The following ZNF385D variants were observed in gnomAD, a reference collection of about 807,000 sequenced individuals.
ZNF385D encodes zinc finger protein 659.
In ZNF385D, 15 loss-of-function variants were observed where a neutral mutation model predicts 35.8. That is an observed-to-expected ratio of 0.42 (90% CI 0.28 to 0.64). The LOEUF (loss-of-function observed/expected upper bound fraction) is 0.64, where lower values mean the gene tolerates loss of function less well. Ranked by LOEUF, ZNF385D falls within the 30% of genes least tolerant of loss-of-function variation. ZNF385D has a pLI of 0.23. For missense variants in ZNF385D, 474 were observed against 494.6 expected (o/e 0.96, Z 0.39); for synonymous variants, 212 against 186.8 (o/e 1.13, Z -1.10).
At chr3:22,289,554 G>A (rs948038187) in intron 2 of ZNF385D, among the ~76,000 whole-genome samples, 19 of 152,270 alleles carry the variant, frequency 1.2e-4, no homozygotes, top group Admixed American at 5.9e-4. Context: ...GGGCATGCAA[G>A]CCTCTTGCAG....
At chr3:22,365,654 A>C (rs1696624601) in intron 2 of ZNF385D, among the ~76,000 whole-genome samples, 1 of 152,134 alleles carries the variant, frequency 6.6e-6, no homozygotes, top group Admixed American at 6.5e-5. Context: ...TCAAAGGTAC[A>C]AGAAAACAAG....
chr3:22,058,434 G>A (rs1210932344), intron 3 of ZNF385D, among the ~76,000 whole-genome samples: 1 of 152,124 alleles, frequency 6.6e-6, no homozygotes, highest in Non-Finnish European at 1.5e-5. Context: ...GCTCATTCCA[G>A]CTCTCCCCAT....
intron 2 of ZNF385D, among the ~76,000 whole-genome samples, chr3:21,581,589 G>A (rs1210576655): frequency 1.3e-5 from 2 of 152,128 alleles, no homozygotes; most frequent in Admixed American, 6.6e-5. Context: ...CTAGTCGATT[G>A]TCAATCATTT....
chr3:22,180,723 C>G (rs1695184186), intron 2 of ZNF385D, among the ~76,000 whole-genome samples: 1 of 151,984 alleles, frequency 6.6e-6, no homozygotes, highest in African/African-American at 2.4e-5. Flanking sequence ...AGGCCTTTGA[C>G]AAAATTCAAC....
chr3:22,186,662 G>GAA (rs1695655626), intron 2 of ZNF385D, among the ~76,000 whole-genome samples: 1 of 151,890 alleles, frequency 6.6e-6, no homozygotes, highest in Non-Finnish European at 1.5e-5. Flanking sequence ...TATATTTTTG[G>GAA]TCTCATGAGA....
chr3:21,496,264 T>A (rs1267179693), intron 4 of ZNF385D, among the ~76,000 whole-genome samples: 1 of 146,748 alleles, frequency 6.8e-6, no homozygotes. Context: ...ATATATATAA[T>A]TTATATATAT....
intron 3 of ZNF385D, among the ~76,000 whole-genome samples, chr3:22,120,434 G>A (rs765881062): frequency 3.9e-5 from 6 of 152,000 alleles, no homozygotes; most frequent in East Asian, 1.9e-4. Flanking sequence ...TTATGACCTC[G>A]TATAAGCTTA....
chr3:21,830,901 TTCACTGAAGGGTG>T (rs1470851736), intron 3 of ZNF385D, among the ~76,000 whole-genome samples: 1 of 152,190 alleles, frequency 6.6e-6, no homozygotes, highest in Non-Finnish European at 1.5e-5. Flanking sequence ...TTCACCCAAG[TTCACTGAAGGGTG>T]TCATACCATA....
At position 22,328,841 on chromosome 3, in the gene ZNF385D, C is replaced by T. The variant is rs1694797300; in HGVS notation, c.106+43609G>A. The stretch of plus-strand genomic sequence containing the variant: ...CTGTAATCCCAGCACTTTGGGAAGC[C>T]GAGGCGGGCGGATCACGAGGTCAGG... On this transcript the variant is annotated intron_variant, in intron 2 of 5. Transcript: ENST00000494108. Among the ~76,000 whole-genome samples the T allele has an allele frequency of 2.6e-5, 4 of 151,664 alleles. No homozygotes were observed. The South Asian group carries it at 6.2e-4, about 24-fold the overall frequency.
At chr3:22,111,355 G>T (rs768464218) in intron 3 of ZNF385D, among the ~76,000 whole-genome samples, 2 of 151,796 alleles carry the variant, frequency 1.3e-5, no homozygotes, top group Non-Finnish European at 2.9e-5. Flanking sequence ...CTTCAATTTA[G>T]TAAGTTCAAG....
intron 3 of ZNF385D, among the ~76,000 whole-genome samples, chr3:21,835,556 C>T (rs1306640394): frequency 6.6e-6 from 1 of 150,830 alleles, no homozygotes; most frequent in African/African-American, 2.4e-5. Context: ...CGTATGTTCA[C>T]TAAGGATAAA....
At chr3:21,858,507 G>C (rs1475930673) in intron 3 of ZNF385D, among the ~76,000 whole-genome samples, 1 of 151,996 alleles carries the variant, frequency 6.6e-6, no homozygotes, top group Non-Finnish European at 1.5e-5. Context: ...GAATGGATTA[G>C]TGTCCTTATA....
At chr3:21,614,808 C>T (rs1220960908) in intron 2 of ZNF385D, among the ~76,000 whole-genome samples, 1 of 152,178 alleles carries the variant, frequency 6.6e-6, no homozygotes, top group East Asian at 1.9e-4. Context: ...AGGATGGTCT[C>T]AAGCTCTTGA....
intron 2 of ZNF385D, among the ~76,000 whole-genome samples, chr3:22,280,784 T>G (rs1432006580): frequency 6.6e-6 from 1 of 152,138 alleles, no homozygotes; most frequent in Non-Finnish European, 1.5e-5. Context: ...TATGATTATT[T>G]TTTCTAGTTC....
intron 3 of ZNF385D, among the ~76,000 whole-genome samples, chr3:21,968,106 A>T (rs1360025262): frequency 6.6e-6 from 1 of 152,012 alleles, no homozygotes; most frequent in Admixed American, 6.6e-5. Flanking sequence ...CTTGAGGGAG[A>T]GAGAGGAAAG....
intron 1 of ZNF385D, among the ~76,000 whole-genome samples, chr3:21,672,537 T>C (rs927437289): frequency 1.9e-4 from 29 of 151,956 alleles, no homozygotes; most frequent in African/African-American, 6.0e-4. Flanking sequence ...GTCAGGGCAA[T>C]TGGAGCTCCA....
At chr3:22,121,615 A>G (rs1022224519) in intron 3 of ZNF385D, among the ~76,000 whole-genome samples, 5 of 152,084 alleles carry the variant, frequency 3.3e-5, no homozygotes, top group Non-Finnish European at 7.4e-5. Context: ...AATCATACCT[A>G]CTGGTCCTCA....
chr3:21,942,065 G>C (rs769412210), intron 3 of ZNF385D, among the ~76,000 whole-genome samples: 1 of 151,940 alleles, frequency 6.6e-6, no homozygotes, highest in African/African-American at 2.4e-5. Context: ...ATTGTCAAAT[G>C]TATATGTTAT....
At chr3:21,639,205 A>G (rs140400902) in intron 2 of ZNF385D, among the ~76,000 whole-genome samples, 564 of 151,798 alleles carry the variant, frequency 3.7e-3, no homozygotes, top group Non-Finnish European at 6.5e-3. Flanking sequence ...TCCCTGCTTT[A>G]TTTTTTTTCC....
Sources: allele counts gnomAD v4.1 joint callset (sites outside exome capture counted in the v4.1 genomes callset), GRCh38; gene constraint gnomAD v4.1.1; transcripts MANE v1.5; gene names NCBI Gene and HGNC (gene_info 2026-07-23, HGNC 2026-07-21).